The following BTBD1 variants were observed in gnomAD, a reference collection of about 807,000 sequenced individuals.
BTBD1 encodes BTB domain containing 1, also known as BTB/POZ domain-containing protein 1.
In BTBD1, 34 loss-of-function variants were observed where a neutral mutation model predicts 48.0. That is an observed-to-expected ratio of 0.71 (90% CI 0.54 to 0.94). The LOEUF (loss-of-function observed/expected upper bound fraction) is 0.94. Among genes scored for constraint, BTBD1 ranks in the 40% least tolerant of loss-of-function variants. The pLI, the probability that BTBD1 is intolerant of heterozygous loss-of-function variation, is 0.00. For missense variants in BTBD1, 543 were observed against 625.6 expected (o/e 0.87, Z 1.41); for synonymous variants, 261 against 242.1 (o/e 1.08, Z -0.72).
chr15:83,035,332 C>T (rs761905515), intron 4 of BTBD1, among the ~76,000 whole-genome samples: 3 of 151,864 alleles, frequency 2.0e-5, no homozygotes, highest in East Asian at 3.9e-4. Context: ...ATAAATAAAA[C>T]TACCATATGC....
Position 83,018,737 on chromosome 15 carries a change from A to G in BTBD1, c.1260T>C (p.Asn420=). 6.2e-7 allele frequency: 1 copy of G among 1,614,096 alleles called. No homozygotes were observed. Among genetic ancestry groups the G allele is most frequent in the South Asian group, 1.1e-5 (1 of 91,084 alleles). ...GTGTTGCACATGCTGTGTAGCACAC[A>G]TTGGGCAGGATCTCTATGGGTTCCT... is the stretch of plus-strand genomic sequence containing the variant. The part of the protein sequence containing the change: ...MFKEPIEILP[N]VCYTACATLK... The change falls in exon 7 of 8, where the codon AAT becomes AAC. Residue 420 remains asparagine (N), a synonymous_variant. Transcript: ENST00000261721.
chr15:83,022,101 A>G (rs929943590), intron 5 of BTBD1: 1 of 152,120 alleles, frequency 6.6e-6, no homozygotes, highest in Non-Finnish European at 1.5e-5. Flanking sequence ...GCTGGGGTAC[A>G]GTGGTACAAT....
chr15:83,041,388 T>C (rs1237073566), intron 4 of BTBD1, among the ~76,000 whole-genome samples: 8 of 151,442 alleles, frequency 5.3e-5, no homozygotes, highest in Non-Finnish European at 1.0e-4. Flanking sequence ...TTTTTTGAGA[T>C]GGAGTCTCGT....
Position 83,067,167 on chromosome 15 carries a change from T to C in BTBD1, c.-16A>G. The C allele has an allele frequency of 7.1e-7, 1 of 1,412,592 alleles. No homozygotes were observed. Among genetic ancestry groups the C allele is most frequent in the South Asian group, 1.6e-5 (1 of 61,966 alleles). The allele number at this position is 1,412,592 out of a possible 1,614,324, so 87.5% of individuals were successfully genotyped here. ...GTGAGGCCATCCTCCAGCTGCGCGGTTGCCCACGTTATGGACAAAACTCCG... is the reference window on the plus strand; with the variant it reads ...GTGAGGCCATCCTCCAGCTGCGCGGCTGCCCACGTTATGGACAAAACTCCG... On this transcript the variant is annotated 5_prime_UTR_variant, in exon 1 of 8. Coordinates refer to ENST00000261721, the MANE Select transcript of BTBD1 (RefSeq NM_025238.4).
At chr15:83,024,652 G>A (rs1366025340) in intron 5 of BTBD1, among the ~76,000 whole-genome samples, 2 of 151,744 alleles carry the variant, frequency 1.3e-5, no homozygotes, top group East Asian at 3.9e-4. Flanking sequence ...ATTCTTTTTT[G>A]TTTTTGAGAC....
chr15:83,021,885 ACT>A (rs1274453336), intron 5 of BTBD1, among the ~76,000 whole-genome samples: 1 of 152,034 alleles, frequency 6.6e-6, no homozygotes, highest in Non-Finnish European at 1.5e-5. Context: ...AGTAATACTA[ACT>A]CATCAATACC....
intron 4 of BTBD1, among the ~76,000 whole-genome samples, chr15:83,035,564 TG>T (rs200117739): frequency 5.9e-5 from 9 of 151,632 alleles, no homozygotes; most frequent in Non-Finnish European, 1.0e-4. Context: ...TTAAAAACTG[TG>T]GGGGGGAAGG....
chr15:83,045,264 G>A (rs1186193831), intron 3 of BTBD1, among the ~76,000 whole-genome samples: 2 of 152,176 alleles, frequency 1.3e-5, no homozygotes, highest in Non-Finnish European at 2.9e-5. Flanking sequence ...GGGAGGCCGA[G>A]GAGAGTGATC....
intron 3 of BTBD1, among the ~76,000 whole-genome samples, chr15:83,048,769 A>AGCTTCTAAATAAAGACTCAAAGC (rs1220450552): frequency 6.6e-6 from 1 of 152,220 alleles, no homozygotes; most frequent in East Asian, 1.9e-4. Flanking sequence ...AATACCACCA[A>AGCTTCTAAATAAAGACTCAAAGC]GCTTCTAAAT....
intron 2 of BTBD1, among the ~76,000 whole-genome samples, chr15:83,055,079 A>G (rs2033060315): frequency 1.3e-5 from 2 of 152,224 alleles, no homozygotes; most frequent in Admixed American, 1.3e-4. Flanking sequence ...GAATTTTAAA[A>G]ACAATTTTTA....
chr15:83,066,855 G>T lies in BTBD1; in HGVS notation c.297C>A (p.Ala99=). The T allele has an allele frequency of 8.3e-6, 12 of 1,453,794 alleles. No homozygotes were observed. The highest frequency in any genetic ancestry group is 1.1e-5 in the Non-Finnish European group (12 of 1,106,748). The allele number at this position is 1,453,794 out of a possible 1,614,324, so 90.1% of individuals were successfully genotyped here. The change falls in exon 1 of 8, where the codon GCC becomes GCA. Residue 99 remains alanine, a synonymous_variant. Transcript: ENST00000261721. ...RIPAHRFVLA[A]GSAVFDAMFN... ...ACATGGCGTCAAAGACGGCGCTGCC[G>T]GCCGCCAGCACGAAGCGGTGGGCGG... is the stretch of plus-strand genomic sequence containing the variant.
At chr15:83,047,216 C>T (rs2032897155) in intron 3 of BTBD1, among the ~76,000 whole-genome samples, 1 of 152,032 alleles carries the variant, frequency 6.6e-6, no homozygotes, top group South Asian at 2.1e-4. Context: ...ATGTGTATTA[C>T]AAGGAAAATA....
At chr15:83,018,341 T>A in intron 7 of BTBD1, 116 bp from the exon 8 acceptor site, 1 of 896,654 alleles carries the variant, frequency 1.1e-6, no homozygotes, top group African/African-American at 1.7e-5. Context: ...TATATAAAAT[T>A]TTATGCTGTC....
chr15:83,034,109 A>C (rs1323995471), intron 4 of BTBD1, among the ~76,000 whole-genome samples: 1 of 149,294 alleles, frequency 6.7e-6, no homozygotes, highest in Non-Finnish European at 1.5e-5. Flanking sequence ...AAAAAAAAAG[A>C]AAAAGAAAAA....
In BTBD1 at chr15:83,030,170, G is replaced by A. The variant is rs1378157350; in HGVS notation, c.1021C>T (p.Arg341Cys). Reference protein sequence around the residue: ...CINRFQQVESRWGYSGTSDRI... With the variant: ...CINRFQQVESCWGYSGTSDRI... ...TCACTCGTCCCACTGTAACCCCAGCGGCTTTCTACTTGCTGGAATCTATTG... is the reference window on the plus strand; with the variant it reads ...TCACTCGTCCCACTGTAACCCCAGCAGCTTTCTACTTGCTGGAATCTATTG... The change falls in exon 5 of 8, where the codon CGC (arginine) becomes TGC (cysteine). Residue 341 changes from arginine to cysteine, a missense_variant. This residue lies in a region of BTBD1 where 300 missense variants were observed against 350.0 expected (regional missense o/e 0.86). Transcript: ENST00000261721. 7 of 1,613,756 alleles carry A rather than the reference G, an allele frequency of 4.3e-6. No individual in the cohort carries two copies. The highest frequency in any genetic ancestry group is 1.1e-5 in the South Asian group (1 of 91,058).
At chr15:83,065,558 T>G (rs900565722) in intron 1 of BTBD1, among the ~76,000 whole-genome samples, 2 of 152,240 alleles carry the variant, frequency 1.3e-5, no homozygotes, top group African/African-American at 2.4e-5. Flanking sequence ...GACCTGCCTG[T>G]TTTTGCTTCA....
chr15:83,023,626 G>C (rs2032344852), intron 5 of BTBD1, among the ~76,000 whole-genome samples: 1 of 147,982 alleles, frequency 6.8e-6, no homozygotes, highest in African/African-American at 2.5e-5. Flanking sequence ...GCTCAAGTAA[G>C]TGATCCTCCT....
chr15:83,025,324 C>T (rs1263296433), intron 5 of BTBD1, among the ~76,000 whole-genome samples: 2 of 135,384 alleles, frequency 1.5e-5, no homozygotes, highest in Non-Finnish European at 3.0e-5. Flanking sequence ...CACCATTGCA[C>T]TCCAGCCTGG....
At chr15:83,047,690 G>A (rs2032905741) in intron 3 of BTBD1, among the ~76,000 whole-genome samples, 1 of 152,064 alleles carries the variant, frequency 6.6e-6, no homozygotes, top group South Asian at 2.1e-4. Context: ...TAGGCTCTAG[G>A]GCATGACAGA....
Sources: gnomAD v4.1 joint callset for allele counts (sites outside exome capture counted in the v4.1 genomes callset) on GRCh38, gnomAD v4.1.1 for gene constraint, gnomAD v4.1.1 regional missense constraint, MANE v1.5 for transcripts, NCBI Gene and HGNC (gene_info 2026-07-23, HGNC 2026-07-21) for gene names.